The following MUSK variants were observed in gnomAD, a reference collection of about 807,000 sequenced individuals.
MUSK encodes muscle associated receptor tyrosine kinase, also known as muscle, skeletal receptor tyrosine-protein kinase.
Under a neutral mutation model 88.7 loss-of-function variants are expected in MUSK, and 55 were observed. The observed-to-expected ratio is 0.62, with a 90% CI of 0.50 to 0.78. The LOEUF (loss-of-function observed/expected upper bound fraction) is 0.78, where lower values mean the gene tolerates loss of function less well. Among genes scored for constraint, MUSK ranks in the 30% least tolerant of loss-of-function variants. The pLI, the probability that MUSK is intolerant of heterozygous loss-of-function variation, is 0.00. For missense variants in MUSK, 1,015 were observed against 1,074.3 expected (o/e 0.94, Z 0.77); for synonymous variants, 387 against 391.9 (o/e 0.99, Z 0.15).
intron 2 of MUSK, 122 bp downstream of exon 2, chr9:110,682,922 C>G: frequency 1.6e-6 from 1 of 615,426 alleles, no homozygotes; most frequent in South Asian, 3.2e-5. Context: ...AAAATAAGTA[C>G]CTCATGGAGA....
chr9:110,764,901 CT>C (rs1385626380), intron 8 of MUSK, among the ~76,000 whole-genome samples: 1 of 151,990 alleles, frequency 6.6e-6, no homozygotes, highest in African/African-American at 2.4e-5. Flanking sequence ...AACCTATTGT[CT>C]TTTTTTCTTT....
At chr9:110,687,839 C>G (rs1466226846) in intron 3 of MUSK, among the ~76,000 whole-genome samples, 4 of 152,142 alleles carry the variant, frequency 2.6e-5, no homozygotes, top group Non-Finnish European at 5.9e-5. Flanking sequence ...CTCCTGACTT[C>G]TTCCACCCTG....
At chr9:110,786,854 C>T (rs1374130377) in intron 13 of MUSK, among the ~76,000 whole-genome samples, 1 of 152,168 alleles carries the variant, frequency 6.6e-6, no homozygotes, top group African/African-American at 2.4e-5. Flanking sequence ...TAATCTCCAA[C>T]TGGCACTTCG....
chr9:110,734,267 G>C lies in MUSK; in HGVS notation c.645G>C (p.Leu215=). Residue 215 remains leucine (L), a synonymous_variant, in exon 6 of 15, where the codon CTG becomes CTC. Coordinates refer to ENST00000374448, the MANE Select transcript of MUSK (RefSeq NM_005592.4). The stretch of plus-strand genomic sequence containing the variant: ...TCCTAACAGTTTTTGCCAGGATCCT[G>C]CGGGCTCCTGAATCCCACAATGTCA... ...KLEVEVFARI[L]RAPESHNVTF... is the part of the protein sequence containing the mutation. The C allele has an allele frequency of 2.5e-6, 4 of 1,612,598 alleles. No homozygotes were observed. Among genetic ancestry groups the C allele is most frequent in the Non-Finnish European group, 3.4e-6 (4 of 1,179,198 alleles).
chr9:110,746,006 T>A (rs916545021), intron 6 of MUSK, among the ~76,000 whole-genome samples: 1 of 152,134 alleles, frequency 6.6e-6, no homozygotes, highest in African/African-American at 2.4e-5. Context: ...ACTGTGAAAA[T>A]CCTTTCTCAT....
At chr9:110,723,501 A>G (rs985929286) in intron 5 of MUSK, among the ~76,000 whole-genome samples, 5 of 152,108 alleles carry the variant, frequency 3.3e-5, no homozygotes, top group Non-Finnish European at 7.4e-5. Flanking sequence ...GAGGGATAAA[A>G]GACTATATAT....
In MUSK at chr9:110,747,443, A is replaced by C. The variant is rs552329614; in HGVS notation, c.754-198A>C. ...CTAATCTAGATTCAAATTATGGAGG[A>C]AAATGCTACTTCTTGAGGGAAGAGC... On this transcript the variant is annotated intron_variant, in intron 6 of 14. Coordinates refer to ENST00000374448, the MANE Select transcript of MUSK (RefSeq NM_005592.4). Among the ~76,000 whole-genome samples the C allele has an allele frequency of 1.3e-4, 20 of 152,346 alleles. No homozygotes were observed. The East Asian group carries it at 3.5e-3, about 26-fold the overall frequency.
chr9:110,738,711 A>G (rs1055433124), intron 6 of MUSK, among the ~76,000 whole-genome samples: 3 of 152,280 alleles, frequency 2.0e-5, no homozygotes, highest in African/African-American at 7.2e-5. Context: ...AGGAGCAATA[A>G]CTGGTGCAAG....
chr9:110,787,894 T>G, intron 14 of MUSK, 56 bp downstream of exon 14: 1 of 1,554,110 alleles, frequency 6.4e-7, no homozygotes. Flanking sequence ...GCTTTCCAAG[T>G]TTTTCTCCCC....
At chr9:110,756,759 G>T (rs1301423896) in intron 7 of MUSK, among the ~76,000 whole-genome samples, 2 of 152,076 alleles carry the variant, frequency 1.3e-5, no homozygotes, top group Non-Finnish European at 1.5e-5. Flanking sequence ...AAAGCTATTT[G>T]TCTGGTTATA....
intron 14 of MUSK, among the ~76,000 whole-genome samples, chr9:110,797,958 G>A (rs1235548079): frequency 6.6e-6 from 1 of 152,164 alleles, no homozygotes; most frequent in Non-Finnish European, 1.5e-5. Flanking sequence ...TTTAACCACA[G>A]TAGCATGCTT....
chr9:110,784,767 C>T, intron 11 of MUSK, 48 bp from the exon 12 acceptor site: 1 of 1,461,540 alleles, frequency 6.8e-7, no homozygotes, highest in South Asian at 1.3e-5. Flanking sequence ...CAAAAAATTG[C>T]TTCTTAAAGG....
chr9:110,767,313 T>C (rs2077499946), intron 8 of MUSK, among the ~76,000 whole-genome samples: 1 of 152,244 alleles, frequency 6.6e-6, no homozygotes, highest in Admixed American at 6.5e-5. Context: ...TGGGAGAATC[T>C]GAGTGTGGAA....
chr9:110,773,621 A>C (rs1036247494), intron 9 of MUSK, among the ~76,000 whole-genome samples: 2 of 151,998 alleles, frequency 1.3e-5, no homozygotes, highest in African/African-American at 4.8e-5. Flanking sequence ...TCTCTCATTC[A>C]GCTGGAGTAG....
At chr9:110,780,651 T>A (rs1370296207) in intron 11 of MUSK, among the ~76,000 whole-genome samples, 1 of 152,200 alleles carries the variant, frequency 6.6e-6, no homozygotes, top group Non-Finnish European at 1.5e-5. Context: ...GACATTTCTT[T>A]GGGTGGTTTA....
chr9:110,724,945 A>G (rs1721339225), intron 5 of MUSK, among the ~76,000 whole-genome samples: 1 of 152,066 alleles, frequency 6.6e-6, no homozygotes, highest in African/African-American at 2.4e-5. Context: ...ATTTTTATCC[A>G]TCTAGAAAAC....
intron 7 of MUSK, among the ~76,000 whole-genome samples, chr9:110,749,037 T>C (rs1393455350): frequency 6.6e-6 from 1 of 152,098 alleles, no homozygotes; most frequent in Non-Finnish European, 1.5e-5. Flanking sequence ...ATAATAATAA[T>C]ATCACATAAT....
intron 14 of MUSK, among the ~76,000 whole-genome samples, chr9:110,788,369 T>C (rs2077909975): frequency 6.6e-6 from 1 of 152,008 alleles, no homozygotes; most frequent in Admixed American, 6.6e-5. Flanking sequence ...CAGTGGCTCA[T>C]GCCTATAATC....
At chr9:110,701,719 ATTTT>A in intron 5 of MUSK, among the ~76,000 whole-genome samples, 2 of 52 alleles carry the variant, frequency 0.038, no homozygotes, top group South Asian at 0.25. Context: ...ATTTTATTTT[ATTTT>A]ATTTTATTTT....
Sources: allele counts gnomAD v4.1 joint callset (sites outside exome capture counted in the v4.1 genomes callset), GRCh38; gene constraint gnomAD v4.1.1; transcripts MANE v1.5; gene names NCBI Gene and HGNC (gene_info 2026-07-23, HGNC 2026-07-21).